The following DGKI variants were observed in gnomAD, a reference collection of about 807,000 sequenced individuals.
DGKI encodes diacylglycerol kinase iota.
In DGKI, 55 loss-of-function variants were observed where a neutral mutation model predicts 147.5. The observed-to-expected ratio is 0.37, with a 90% CI of 0.30 to 0.47. The LOEUF (loss-of-function observed/expected upper bound fraction) is 0.47, where lower values mean the gene tolerates loss of function less well. Ranked by LOEUF, DGKI falls within the 20% of genes least tolerant of loss-of-function variation. The pLI is 1.00. For missense variants in DGKI, 1,007 were observed against 1,323.8 expected (o/e 0.76, Z 3.71); for synonymous variants, 469 against 477.1 (o/e 0.98, Z 0.22).
intron 1 of DGKI, among the ~76,000 whole-genome samples, chr7:137,767,527 G>A (rs1401572441): frequency 6.8e-6 from 1 of 147,046 alleles, no homozygotes; most frequent in Admixed American, 6.7e-5. Flanking sequence ...GAAGAGAAGA[G>A]AAGAGTAGAG....
At chr7:137,578,239 G>A (rs749808667) in intron 16 of DGKI, 31 bp downstream of exon 16, 2 of 1,489,604 alleles carry the variant, frequency 1.3e-6, no homozygotes, top group Admixed American at 3.4e-5. Context: ...TAAGTAATAT[G>A]TAGTAATTAT....
intron 21 of DGKI, among the ~76,000 whole-genome samples, chr7:137,518,315 G>A (rs1331516525): frequency 6.6e-6 from 1 of 152,074 alleles, no homozygotes; most frequent in African/African-American, 2.4e-5. Flanking sequence ...CTTTGTCAAG[G>A]TTTCAACTGA....
chr7:137,722,223 G>C (rs376489481), intron 1 of DGKI: 3 of 1,599,400 alleles, frequency 1.9e-6, no homozygotes, highest in African/African-American at 2.7e-5. Context: ...CTAAATCCAA[G>C]GTTGAAAAGA....
intron 1 of DGKI, among the ~76,000 whole-genome samples, chr7:137,763,459 C>A (rs1180906781): frequency 6.6e-6 from 1 of 152,128 alleles, no homozygotes; most frequent in Non-Finnish European, 1.5e-5. Flanking sequence ...TCTCAGTGGG[C>A]CAGTGTTTGC....
rs554585388 is a variant in DGKI, at chr7:137,569,793, C to T, written c.1947+1382G>A. ...AAAAAGAATTCTTCCCTGCATATAT[C>T]CTTCCTAAACTTAATCCTATTTGCT... On this transcript the variant is annotated intron_variant, in intron 19 of 32. Transcript: ENST00000614521. 2.2e-5 allele frequency among the ~76,000 whole-genome samples: 3 copies of T among 136,144 alleles called. No individual in the cohort carries two copies. In the South Asian group the frequency reaches 7.4e-4, roughly 33 times the overall value. The allele number at this position is 136,144 out of a possible 152,430, so 89.3% of individuals were successfully genotyped here.
intron 1 of DGKI, among the ~76,000 whole-genome samples, chr7:137,838,602 G>T (rs1798456231): frequency 6.6e-6 from 1 of 152,012 alleles, no homozygotes; most frequent in South Asian, 2.1e-4. Flanking sequence ...TCCTTTCAAG[G>T]AATCTATTTT....
chr7:137,528,258 C>A (rs964696572), intron 20 of DGKI, among the ~76,000 whole-genome samples: 3 of 151,860 alleles, frequency 2.0e-5, no homozygotes, highest in Admixed American at 1.3e-4. Context: ...TATGTTCCCA[C>A]TTTTTATCTC....
chr7:137,780,177 T>G (rs1796477410), intron 1 of DGKI, among the ~76,000 whole-genome samples: 1 of 152,200 alleles, frequency 6.6e-6, no homozygotes, highest in African/African-American at 2.4e-5. Flanking sequence ...GACAAGAACT[T>G]AAGAATCTGT....
chr7:137,449,603 T>C (rs1028383651), intron 27 of DGKI, among the ~76,000 whole-genome samples: 1 of 152,092 alleles, frequency 6.6e-6, no homozygotes, highest in Non-Finnish European at 1.5e-5. Context: ...ACCTCAAAAG[T>C]ACAGGCAACA....
At chr7:137,586,549 A>C (rs1819405869) in intron 13 of DGKI, among the ~76,000 whole-genome samples, 1 of 152,186 alleles carries the variant, frequency 6.6e-6, no homozygotes, top group Non-Finnish European at 1.5e-5. Context: ...TAAGTAAATA[A>C]ATGGCTGTTT....
rs1160099687 is a variant in DGKI at position 137,638,478 on chromosome 7, GTA to G, written c.804+6992_804+6993del. Among the ~76,000 whole-genome samples the G allele has an allele frequency of 4.5e-5, 4 of 87,924 alleles. 1 individual carries two copies. Among genetic ancestry groups the G allele is most frequent in the African/African-American group, 2.1e-4 (3 of 13,986 alleles). The allele number at this position is 87,924 out of a possible 152,430, so 57.7% of individuals were successfully genotyped here. A position where few individuals can be genotyped will look rare whatever the true frequency, so the allele number is the denominator to read the frequency against. On this transcript the variant is annotated intron_variant, in intron 6 of 32. Transcript: ENST00000614521. Reference sequence around the variant, plus strand: ...CATATATATGTGTGTATATATGTGTGTATATATATACACACATATATATGTAT... The same window carrying G: ...CATATATATGTGTGTATATATGTGTGTATATATACACACATATATATGTAT...
chr7:137,609,841 G>A (rs1466472547), intron 8 of DGKI, among the ~76,000 whole-genome samples: 1 of 152,028 alleles, frequency 6.6e-6, no homozygotes, highest in African/African-American at 2.4e-5. Context: ...AAGAACCCCA[G>A]AGGCTCTCAT....
At position 137,575,775 on chromosome 7, in the gene DGKI, T is replaced by C. The variant is rs182629626; in HGVS notation, c.1761+1447A>G. Among the ~76,000 whole-genome samples, 11 of 152,350 alleles carry C rather than the reference T, an allele frequency of 7.2e-5. No individual in the cohort carries two copies. The East Asian group carries it at 2.1e-3, about 29-fold the overall frequency. ...CCACCACTAAAAGATACTTGCTTTATATTTTTATTGTATGAGAACTGAAAC... is the reference window on the plus strand; with the variant it reads ...CCACCACTAAAAGATACTTGCTTTACATTTTTATTGTATGAGAACTGAAAC... On this transcript the variant is annotated intron_variant, in intron 17 of 32. Transcript: ENST00000614521.
chr7:137,701,297 C>T (rs749592655), intron 1 of DGKI, among the ~76,000 whole-genome samples: 3 of 152,096 alleles, frequency 2.0e-5, no homozygotes, highest in Admixed American at 6.5e-5. Flanking sequence ...TGGGAGTCTG[C>T]CCTCACCACT....
chr7:137,585,006 G>A (rs145959983), intron 14 of DGKI, among the ~76,000 whole-genome samples: 18 of 152,208 alleles, frequency 1.2e-4, no homozygotes, highest in African/African-American at 3.6e-4. Flanking sequence ...AAGCAGGTAC[G>A]GAATCTAGGT....
intron 1 of DGKI, among the ~76,000 whole-genome samples, chr7:137,845,190 C>T (rs1477882257): frequency 6.6e-6 from 1 of 152,198 alleles, no homozygotes; most frequent in East Asian, 1.9e-4. Context: ...ACCAGGAAGG[C>T]GTTTTAGGAG....
At position 137,649,907 on chromosome 7, in the gene DGKI, A is replaced by G. The variant is rs1821965651; in HGVS notation, c.739-4370T>C. 2.6e-5 allele frequency among the ~76,000 whole-genome samples: 4 copies of G among 151,966 alleles called. No individual in the cohort carries two copies. The South Asian group carries it at 8.3e-4, about 31-fold the overall frequency. On this transcript the variant is annotated intron_variant, in intron 5 of 32. Coordinates refer to ENST00000614521, the MANE Select transcript of DGKI (RefSeq NM_001321708.2). ...AGATGACTCCAACAAATATTTATTT[A>G]AAACTTGTCACATGTCAGGCACTAT...
intron 1 of DGKI, among the ~76,000 whole-genome samples, chr7:137,716,944 A>G (rs1794394572): frequency 6.6e-6 from 1 of 152,156 alleles, no homozygotes; most frequent in African/African-American, 2.4e-5. Context: ...TGATATCAAC[A>G]TCCTTTTACT....
At chr7:137,675,375 G>A (rs1201031752) in intron 3 of DGKI, among the ~76,000 whole-genome samples, 6 of 152,062 alleles carry the variant, frequency 3.9e-5, no homozygotes, top group Non-Finnish European at 8.8e-5. Flanking sequence ...AGAATTATTT[G>A]AGGTGCTCGT....
Sources: allele counts gnomAD v4.1 joint callset (sites outside exome capture counted in the v4.1 genomes callset), GRCh38; gene constraint gnomAD v4.1.1; transcripts MANE v1.5; gene names NCBI Gene and HGNC (gene_info 2026-07-23, HGNC 2026-07-21).